SNX19: variants seen among roughly 807,000 people sequenced by gnomAD.
SNX19 encodes sorting nexin 19, also known as sorting nexin-19.
SNX19 carries 60 observed loss-of-function variants against 85.2 expected under a neutral mutation model. That is an observed-to-expected ratio of 0.70 (90% CI 0.57 to 0.87). The LOEUF (loss-of-function observed/expected upper bound fraction) is 0.87, where lower values mean the gene tolerates loss of function less well. SNX19 is among the 40% of genes least tolerant of loss of function. The pLI is 0.00. For missense variants in SNX19, 1,201 were observed against 1,217.8 expected, an observed-to-expected ratio of 0.99 and a Z score of 0.21; for synonymous variants, 520 against 470.0, an observed-to-expected ratio of 1.11 and a Z score of -1.38.
chr11:130,907,694 T>C (rs2276096), intron 5 of SNX19, among the ~76,000 whole-genome samples: 24,187 of 152,172 alleles, frequency 0.16, 2,201 homozygotes, highest in Middle Eastern at 0.25. Flanking sequence ...GAGAATATTC[T>C]TCCTAGTCAA....
chr11:130,878,309 AC>A lies in SNX19; in HGVS notation c.*112del. On this transcript the variant is annotated 3_prime_UTR_variant, in exon 11 of 11. Transcript: ENST00000265909. The stretch of plus-strand genomic sequence containing the variant: ...GTGGGAGAGAAGTGAGCCACCGAGA[AC>A]CTAGGCCTTCTTAGCTGTAGCCTAC... 7.9e-7 allele frequency: 1 copy of A among 1,267,680 alleles called. No individual in the cohort carries two copies. Among genetic ancestry groups the A allele is most frequent in the Non-Finnish European group, 1.1e-6 (1 of 925,712 alleles). The allele number at this position is 1,267,680 out of a possible 1,614,324, so 78.5% of individuals were successfully genotyped here. A position where few individuals can be genotyped will look rare whatever the true frequency, so the allele number is the denominator to read the frequency against.
chr11:130,868,495 G>T lies in SNX19; in HGVS notation c.*9927C>A, dbSNP rs1373424219. ...GGTCATAGTTAAGAGCTGCCAGCCTGGGGTCTGTTTCTGGGACATTTCCAC... is the reference window on the plus strand; with the variant it reads ...GGTCATAGTTAAGAGCTGCCAGCCTTGGGTCTGTTTCTGGGACATTTCCAC... On this transcript the variant is annotated 3_prime_UTR_variant, in exon 11 of 11. Transcript: ENST00000265909. The T allele has an allele frequency of 6.6e-6, 1 of 152,232 alleles. No homozygotes were observed. Among genetic ancestry groups the T allele is most frequent in the African/African-American group, 2.4e-5 (1 of 41,436 alleles). 9.4% of individuals were successfully genotyped at this position (152,232 alleles called of 1,614,324 possible).
intron 8 of SNX19, among the ~76,000 whole-genome samples, chr11:130,882,830 G>C (rs1943776544): frequency 6.6e-6 from 1 of 152,312 alleles, no homozygotes; most frequent in South Asian, 2.1e-4. Flanking sequence ...TTGCTGAGGA[G>C]AATGATGTGT....
At position 130,878,044 on chromosome 11, in the gene SNX19, T is replaced by TGTGTGCTG. The variant is rs1205318654; in HGVS notation, c.*370_*377dup. 1 of 159,112 alleles carries TGTGTGCTG rather than the reference T, an allele frequency of 6.3e-6. No homozygotes were observed. The highest frequency in any genetic ancestry group is 2.4e-5 in the African/African-American group (1 of 41,762). The allele number at this position is 159,112 out of a possible 1,614,324, so 9.9% of individuals were successfully genotyped here. On this transcript the variant is annotated 3_prime_UTR_variant, in exon 11 of 11. Transcript: ENST00000265909. The stretch of plus-strand genomic sequence containing the variant: ...TTTTTTTCCTGTTCTATCTAGAGCT[T>TGTGTGCTG]GTGTGCTGGTGGATTAAGCACATGT...
chr11:130,894,751 A>G (rs1391549577), intron 8 of SNX19: 2 of 985,314 alleles, frequency 2.0e-6, no homozygotes, highest in African/African-American at 1.7e-5. Context: ...TTGAAAGTAG[A>G]ATGCCCCTCC....
At chr11:130,881,931 G>T (rs890170069) in intron 8 of SNX19, among the ~76,000 whole-genome samples, 1 of 152,094 alleles carries the variant, frequency 6.6e-6, no homozygotes, top group Admixed American at 6.5e-5. Flanking sequence ...AAAACTCCCC[G>T]CCGTGCTTGG....
intron 10 of SNX19, among the ~76,000 whole-genome samples, chr11:130,878,968 GTTA>G (rs1314587243): frequency 3.9e-5 from 6 of 152,218 alleles, no homozygotes; most frequent in Non-Finnish European, 8.8e-5. Flanking sequence ...CCTTGAGGAA[GTTA>G]ACGAACACAG....
chr11:130,895,166 G>A (rs1460427773), intron 8 of SNX19: 16 of 985,350 alleles, frequency 1.6e-5, no homozygotes, highest in Non-Finnish European at 1.8e-5. Context: ...TCTTTGGAAA[G>A]GAGAGAGCCA....
At chr11:130,893,887 C>T (rs1270168946) in intron 8 of SNX19, 1 of 697,098 alleles carries the variant, frequency 1.4e-6, no homozygotes, top group African/African-American at 1.8e-5. Flanking sequence ...CCAACTCCCT[C>T]CCTGCTCCAG....
rs558566072 is a variant in SNX19 at position 130,872,048 on chromosome 11, T to A, written c.*6374A>T. Among the ~76,000 whole-genome samples the A allele has an allele frequency of 6.6e-6, 1 of 151,902 alleles. No homozygotes were observed. The highest frequency in any genetic ancestry group is 6.6e-5 in the Admixed American group (1 of 15,264). ...AATTCTCCCCTCCTAAGCTTCCACA[T>A]CCCAGAGATGGTGTGCTGGGGGCTT... On this transcript the variant is annotated 3_prime_UTR_variant, in exon 11 of 11. Coordinates refer to ENST00000265909, the MANE Select transcript of SNX19 (RefSeq NM_014758.3).
rs375598831 is a variant in SNX19 at position 130,897,703 on chromosome 11, G to T, written c.2573+5552C>A. ...CCCCCTACCATCAATGCAGCACAGT[G>T]TATCTCTCCTCTTTCCCTCCAACCC... On this transcript the variant is annotated intron_variant, in intron 8 of 10. Coordinates refer to ENST00000265909, the MANE Select transcript of SNX19 (RefSeq NM_014758.3). Among the ~76,000 whole-genome samples the T allele has an allele frequency of 1.3e-4, 20 of 152,164 alleles. No individual in the cohort carries two copies. In the East Asian group the frequency reaches 1.6e-3, roughly 12 times the overall value.
At position 130,884,871 on chromosome 11, in the gene SNX19, CAAA is replaced by C. The variant is rs34426333; in HGVS notation, c.2574-4068_2574-4066del. On this transcript the variant is annotated intron_variant, in intron 8 of 10. Transcript: ENST00000265909. ...TGGGTGACAGAGGGAGACTCCATCTCAAAAAAAAAAAAAAAAAAAAAATTACTT... is the reference window on the plus strand; with the variant it reads ...TGGGTGACAGAGGGAGACTCCATCTCAAAAAAAAAAAAAAAAAAATTACTT... 5.2e-4 allele frequency among the ~76,000 whole-genome samples: 34 copies of C among 64,998 alleles called. No homozygotes were observed. In the South Asian group the frequency reaches 0.013, roughly 25 times the overall value. 42.6% of individuals were successfully genotyped at this position (64,998 alleles called of 152,430 possible).
At position 130,911,698 on chromosome 11, in the gene SNX19, T is replaced by A; in HGVS notation, c.1748A>T (p.Tyr583Phe). ...GGTCTGCAGATTCAAGAACTCCCGA[T>A]AGCGACGATTCACAGTGTGGTAGGC... The part of the protein sequence containing the change: ...QLAYHTVNRR[Y>F]REFLNLQTRL... Residue 583 changes from tyrosine (Y) to phenylalanine (F), a missense_variant, in exon 2 of 11, where the codon TAT (tyrosine) becomes TTT (phenylalanine). Physicochemically the swap from Tyr to Phe is conservative, Grantham distance 22. Around this residue, in one of 3 missense-constraint regions of SNX19, gnomAD observed 791 missense variants for 750.9 expected, o/e 1.05. Coordinates refer to ENST00000265909, the MANE Select transcript of SNX19 (RefSeq NM_014758.3). 1.9e-6 allele frequency: 3 copies of A among 1,614,176 alleles called. No individual in the cohort carries two copies. The highest frequency in any genetic ancestry group is 2.5e-6 in the Non-Finnish European group (3 of 1,180,026).
At position 130,915,960 on chromosome 11, in the gene SNX19, T is replaced by C. The variant is rs1485009252; in HGVS notation, c.-21A>G. The stretch of plus-strand genomic sequence containing the variant: ...TTCATGGCTGAACGGACAAGGTGGC[T>C]TCCCCAGATGACAGCCCTCAAGATT... On this transcript the variant is annotated 5_prime_UTR_variant, in exon 1 of 11. Coordinates refer to ENST00000265909, the MANE Select transcript of SNX19 (RefSeq NM_014758.3). 1.2e-6 allele frequency: 2 copies of C among 1,602,370 alleles called. No individual in the cohort carries two copies. Among genetic ancestry groups the C allele is most frequent in the Admixed American group, 1.7e-5 (1 of 58,818 alleles).
At chr11:130,903,041 C>T (rs1945364689) in intron 8 of SNX19, 1 of 541,660 alleles carries the variant, frequency 1.8e-6, no homozygotes, top group Non-Finnish European at 3.2e-6. Flanking sequence ...GTACATTATG[C>T]CAGAAGTCTT....
chr11:130,868,029 T>A lies in SNX19; in HGVS notation c.*10393A>T, dbSNP rs1039710352. Reference sequence around the variant, plus strand: ...AATGCCAAAGAACGAAATGATTTTTTAAAAAATCTCTTCTCTGAAATGGCT... The same window carrying A: ...AATGCCAAAGAACGAAATGATTTTTAAAAAAATCTCTTCTCTGAAATGGCT... On this transcript the variant is annotated 3_prime_UTR_variant, in exon 11 of 11. Transcript: ENST00000265909. 8 of 152,304 alleles carry A rather than the reference T, an allele frequency of 5.3e-5. No homozygotes were observed. In the East Asian group the frequency reaches 1.2e-3, roughly 22 times the overall value. The allele number at this position is 152,304 out of a possible 1,614,324, so 9.4% of individuals were successfully genotyped here.
chr11:130,887,469 G>C (rs886959819), intron 8 of SNX19, among the ~76,000 whole-genome samples: 1 of 152,100 alleles, frequency 6.6e-6, no homozygotes, highest in Admixed American at 6.5e-5. Flanking sequence ...GTAATATAAC[G>C]GCATAGACAA....
rs1565496281 is a variant in SNX19, at chr11:130,875,191, C to T, written c.*3231G>A. Among the ~76,000 whole-genome samples the T allele has an allele frequency of 1.3e-5, 2 of 152,214 alleles. No individual in the cohort carries two copies. Among genetic ancestry groups the T allele is most frequent in the Non-Finnish European group, 1.5e-5 (1 of 68,030 alleles). ...TGTTTTCAGCCTTAAAAAGAAAATT[C>T]TGTCACATGCTGTAACGTGGATGAA... On this transcript the variant is annotated 3_prime_UTR_variant, in exon 11 of 11. Coordinates refer to ENST00000265909, the MANE Select transcript of SNX19 (RefSeq NM_014758.3).
intron 9 of SNX19, among the ~76,000 whole-genome samples, 186 bp downstream of exon 9, chr11:130,880,436 A>C (rs1205615938): frequency 2.0e-5 from 3 of 152,232 alleles, no homozygotes; most frequent in Admixed American, 2.0e-4. Flanking sequence ...TCAGCTGAGC[A>C]ATGGATAAAA....
Sources: allele counts gnomAD v4.1 joint callset (sites outside exome capture counted in the v4.1 genomes callset), GRCh38; gene constraint gnomAD v4.1.1; regional missense constraint gnomAD v4.1.1; transcripts MANE v1.5; gene names NCBI Gene and HGNC (gene_info 2026-07-23, HGNC 2026-07-21).